DYNC2H1: variants seen among roughly 807,000 people sequenced by gnomAD.
DYNC2H1 encodes the protein dynein cytoplasmic 2 heavy chain 1.
DYNC2H1 carries 410 observed loss-of-function variants against 570.0 expected under a neutral mutation model. The ratio of observed to expected loss-of-function variants is 0.72; its 90% CI spans 0.66 to 0.78. DYNC2H1 has a LOEUF of 0.78. DYNC2H1 is among the 30% of genes least tolerant of loss of function. The probability of loss-of-function intolerance (pLI) is 0.00; values close to 1 mark genes in which losing one functional copy is unlikely to be tolerated. For synonymous variants in DYNC2H1, 1,688 were observed against 1,677.6 expected, an observed-to-expected ratio of 1.01 and a Z score of -0.15; for missense variants, 4,865 against 5,046.4, an observed-to-expected ratio of 0.96 and a Z score of 1.09.
chr11:103,479,225 G>A lies in DYNC2H1; in HGVS notation c.12896G>A (p.Gly4299Glu), dbSNP rs770569272. The A allele has an allele frequency of 6.2e-6, 10 of 1,613,530 alleles. No individual in the cohort carries two copies. The highest frequency in any genetic ancestry group is 6.8e-6 in the Non-Finnish European group (8 of 1,179,692). ...GGNQDQWIQC[G>E]AALFLKNQ is the part of the protein sequence containing the mutation. ...AACCAAGACCAGTGGATTCAGTGTGGAGCAGCTCTATTCCTAAAAAATCAG... is the reference window on the plus strand; with the variant it reads ...AACCAAGACCAGTGGATTCAGTGTGAAGCAGCTCTATTCCTAAAAAATCAG... Residue 4299 changes from glycine to glutamate, a missense_variant, in exon 89 of 89, where the codon GGA becomes GAA. Transcript: ENST00000375735.
chr11:103,436,027 A>G lies in DYNC2H1; in HGVS notation c.12451A>G (p.Ile4151Val), dbSNP rs755127746. The G allele has an allele frequency of 2.5e-6, 4 of 1,612,234 alleles. No individual in the cohort carries two copies. Among genetic ancestry groups the G allele is most frequent in the Non-Finnish European group, 3.4e-6 (4 of 1,178,874 alleles). Residue 4151 changes from isoleucine to valine, a missense_variant, in exon 85 of 89, where the codon ATA becomes GTA. Ile to Val is a conservative substitution (Grantham distance 29, BLOSUM62 3). Transcript: ENST00000375735. ...AGGTCTTGTTGCCCGTGCCCTTGCA[A>G]TACAGGTATGCCTAAATTATTTACT... ...LRGLVARALA[I>V]QNWVDKAEKQ...
chr11:103,159,089 A>G, intron 28 of DYNC2H1, 62 bp downstream of exon 28: 1 of 1,339,124 alleles, frequency 7.5e-7, no homozygotes, highest in Non-Finnish European at 1.1e-6. Flanking sequence ...CAGGCCTAAT[A>G]TTATGCTCTT....
intron 70 of DYNC2H1, among the ~76,000 whole-genome samples, chr11:103,274,237 G>A (rs1591508951): frequency 6.6e-6 from 1 of 151,808 alleles, no homozygotes; most frequent in Admixed American, 6.6e-5. Context: ...ACTCATACAT[G>A]TAATCTCAGC....
In DYNC2H1 at chr11:103,276,639, G is replaced by A. The variant is rs188149156; in HGVS notation, c.10696-3709G>A. Among the ~76,000 whole-genome samples, 610 of 152,100 alleles carry A rather than the reference G, an allele frequency of 4.0e-3. 3 individuals are homozygous for A. The highest frequency in any genetic ancestry group is 6.3e-3 in the Non-Finnish European group (428 of 67,924). On this transcript the variant is annotated intron_variant, in intron 70 of 88. Coordinates refer to ENST00000375735, the MANE Select transcript of DYNC2H1 (RefSeq NM_001377.3). ...CTGATTAAAATTTTGCTATTTTAAT[G>A]TGTTTTTGCAGATGTTTATCCATAT...
rs7118015 is a variant in DYNC2H1, at chr11:103,307,610, C to T, written c.11383-111C>T. 0.16 allele frequency: 90,470 copies of T among 559,626 alleles called. 7,955 individuals are homozygous for T. Among genetic ancestry groups the T allele is most frequent in the Admixed American group, 0.27 (8,018 of 29,824 alleles). 34.7% of individuals were successfully genotyped at this position (559,626 alleles called of 1,614,324 possible). A position where few individuals can be genotyped will look rare whatever the true frequency, so the allele number is the denominator to read the frequency against. On this transcript the variant is annotated intron_variant, in intron 77 of 88. Transcript: ENST00000375735. ...AATATAACCAGAGCATTAAGAAATA[C>T]ATCAGAATGTCACAAAAGTTTTAAT...
At position 103,186,185 on chromosome 11, in the gene DYNC2H1, T is replaced by C; in HGVS notation, c.6634-57T>C. ...TTGGGATATTTACTTGGAAGAATTT[T>C]AAAATGTCACACACTCTGGAGTATG... On this transcript the variant is annotated intron_variant, in intron 41 of 88. Coordinates refer to ENST00000375735, the MANE Select transcript of DYNC2H1 (RefSeq NM_001377.3). This position sits in a 1 kb window ranked among gnomAD's most constrained non-coding sequence, Gnocchi z 4.5. The C allele has an allele frequency of 6.7e-7, 1 of 1,497,830 alleles. No individual in the cohort carries two copies. Among genetic ancestry groups the C allele is most frequent in the Non-Finnish European group, 8.9e-7 (1 of 1,117,326 alleles). 92.8% of individuals were successfully genotyped at this position (1,497,830 alleles called of 1,614,324 possible).
intron 83 of DYNC2H1, among the ~76,000 whole-genome samples, chr11:103,387,070 C>A (rs1260594737): frequency 8.5e-5 from 13 of 152,162 alleles, no homozygotes; most frequent in African/African-American, 1.7e-4. Context: ...CCTGAGGAAT[C>A]GCCGTACTGA....
At chr11:103,303,354 ATGCCCCC>A in intron 76 of DYNC2H1, 101 bp downstream of exon 76, 1 of 1,296,546 alleles carries the variant, frequency 7.7e-7, no homozygotes, top group Non-Finnish European at 1.1e-6. Flanking sequence ...AAGCCAAATA[ATGCCCCC>A]AAAAATGTCT....
At chr11:103,450,295 GATAA>G (rs946000962) in intron 85 of DYNC2H1, among the ~76,000 whole-genome samples, 68 of 152,288 alleles carry the variant, frequency 4.5e-4, no homozygotes, top group African/African-American at 1.5e-3. Context: ...TAACTGAAAG[GATAA>G]ATAGATAGCA....
intron 82 of DYNC2H1, among the ~76,000 whole-genome samples, chr11:103,354,321 T>A (rs927941247): frequency 4.0e-4 from 61 of 152,114 alleles, no homozygotes; most frequent in Non-Finnish European, 6.9e-4. Context: ...TCTGGGTTTT[T>A]TTCTGTTTTG....
At chr11:103,407,397 A>T (rs899279892) in intron 84 of DYNC2H1, 1 of 106,992 alleles carries the variant, frequency 9.3e-6, no homozygotes, top group East Asian at 2.8e-4. Flanking sequence ...AAGAGGATTT[A>T]AACCTTGTTT....
chr11:103,468,793 A>C, intron 88 of DYNC2H1, 88 bp downstream of exon 88: 1 of 1,077,844 alleles, frequency 9.3e-7, no homozygotes, highest in Non-Finnish European at 1.3e-6. Context: ...TGGCCTGTGT[A>C]TTTTTGTTTG....
chr11:103,197,917 T>C lies in DYNC2H1; in HGVS notation c.7709-16T>C. ...GAGTAATGCATATAAAACAAAAATA[T>C]CATTTATTTCCACAGATAGTTTCTA... is the stretch of plus-strand genomic sequence containing the variant. On this transcript the variant is annotated splice_polypyrimidine_tract_variant and intron_variant, in intron 47 of 88. Transcript: ENST00000375735. 1 of 1,559,868 alleles carries C rather than the reference T, an allele frequency of 6.4e-7. No individual in the cohort carries two copies. The highest frequency in any genetic ancestry group is 1.2e-5 in the South Asian group (1 of 83,880).
At position 103,181,052 on chromosome 11, in the gene DYNC2H1, A is replaced by G. The variant is rs562452427; in HGVS notation, c.6348-705A>G. On this transcript the variant is annotated intron_variant, in intron 39 of 88. Coordinates refer to ENST00000375735, the MANE Select transcript of DYNC2H1 (RefSeq NM_001377.3). The surrounding 1 kb of genome is among the most constrained non-coding windows in gnomAD (Gnocchi z 5.0). Reference sequence around the variant, plus strand: ...ATAGTTTTTTATAATTATATAAGGTATAATTTTGAATAAGATGTGAATCTC... The same window carrying G: ...ATAGTTTTTTATAATTATATAAGGTGTAATTTTGAATAAGATGTGAATCTC... Among the ~76,000 whole-genome samples, 34 of 151,620 alleles carry G rather than the reference A, an allele frequency of 2.2e-4. No individual in the cohort carries two copies. The highest frequency in any genetic ancestry group is 7.7e-4 in the African/African-American group (32 of 41,498).
intron 30 of DYNC2H1, among the ~76,000 whole-genome samples, chr11:103,164,519 G>A (rs1411308054): frequency 6.6e-6 from 1 of 152,130 alleles, no homozygotes; most frequent in Non-Finnish European, 1.5e-5. Context: ...ATGGTAGAGA[G>A]GGTACTTTTT....
chr11:103,444,865 G>A (rs1230341665), intron 85 of DYNC2H1, among the ~76,000 whole-genome samples: 2 of 152,188 alleles, frequency 1.3e-5, no homozygotes, highest in Non-Finnish European at 2.9e-5. Flanking sequence ...GGTTGAATGG[G>A]TGGCCAAGGA....
At chr11:103,235,363 GT>G (rs1864181501) in intron 61 of DYNC2H1, among the ~76,000 whole-genome samples, 1 of 151,718 alleles carries the variant, frequency 6.6e-6, no homozygotes, top group African/African-American at 2.4e-5. Flanking sequence ...CTTAATCTTA[GT>G]TTACAAAGTG....
chr11:103,117,689 T>A lies in DYNC2H1; in HGVS notation c.825T>A (p.Asp275Glu). ...TGGGAACTTTGAACCTGTGGGAAGA[T>A]CCTTATTATCTTGTGAAAGAAAGTC... ...KKLGTLNLWE[D>E]PYYLVKESLK... is the part of the protein sequence containing the mutation. Residue 275 changes from aspartate to glutamate, a missense_variant, in exon 6 of 89, where the codon GAT (aspartate) becomes GAA (glutamate). By Grantham distance (45) the Asp-to-Glu change is conservative. Coordinates refer to ENST00000375735, the MANE Select transcript of DYNC2H1 (RefSeq NM_001377.3). The A allele has an allele frequency of 6.2e-7, 1 of 1,612,056 alleles. No homozygotes were observed.
At chr11:103,271,505 ATATAG>A (rs917719283) in intron 70 of DYNC2H1, among the ~76,000 whole-genome samples, 81 of 152,332 alleles carry the variant, frequency 5.3e-4, no homozygotes, top group African/African-American at 1.9e-3. Flanking sequence ...AAAGCAATAA[ATATAG>A]TAGAGTAGAA....
Sources: allele counts gnomAD v4.1 joint callset (sites outside exome capture counted in the v4.1 genomes callset), GRCh38; gene constraint gnomAD v4.1.1; non-coding constraint Gnocchi (gnomAD v3.1); transcripts MANE v1.5; gene names NCBI Gene and HGNC (gene_info 2026-07-23, HGNC 2026-07-21).